The following PRDM2 variants were observed in gnomAD, a reference collection of about 807,000 sequenced individuals.
PRDM2 encodes PR domain zinc finger protein 2.
In PRDM2, 30 loss-of-function variants were observed where a neutral mutation model predicts 130.0. That is an observed-to-expected ratio of 0.23 (90% CI 0.17 to 0.31). The LOEUF is 0.31. Among genes scored for constraint, PRDM2 ranks in the 10% least tolerant of loss-of-function variants. PRDM2 has a pLI of 1.00. For missense variants in PRDM2, 2,011 were observed against 2,108.4 expected, an observed-to-expected ratio of 0.95 and a Z score of 0.90; for synonymous variants, 871 against 782.4, an observed-to-expected ratio of 1.11 and a Z score of -1.89.
chr1:13,704,261 TG>T (rs1162180853), intron 1 of PRDM2, among the ~76,000 whole-genome samples: 4 of 152,310 alleles, frequency 2.6e-5, no homozygotes, highest in African/African-American at 9.6e-5. Context: ...TTAAAGAGAA[TG>T]CCTTTCATTC....
intron 2 of PRDM2, among the ~76,000 whole-genome samples, chr1:13,718,819 C>T (rs1642631973): frequency 6.6e-6 from 1 of 152,146 alleles, no homozygotes; most frequent in African/African-American, 2.4e-5. Flanking sequence ...ACGTTCCACA[C>T]CCATCCTGAT....
intron 4 of PRDM2, among the ~76,000 whole-genome samples, chr1:13,736,613 C>A (rs1205189118): frequency 6.6e-6 from 1 of 151,876 alleles, no homozygotes; most frequent in East Asian, 1.9e-4. Context: ...AGATGAATTT[C>A]TAGAAGTATA....
intron 6 of PRDM2, among the ~76,000 whole-genome samples, chr1:13,752,845 T>C (rs908786585): frequency 1.3e-5 from 2 of 152,202 alleles, no homozygotes; most frequent in East Asian, 3.8e-4. Context: ...TTCCCTAGCC[T>C]TAAAAATGAA....
chr1:13,775,024 A>T (rs150769351), intron 7 of PRDM2, among the ~76,000 whole-genome samples: 1 of 152,114 alleles, frequency 6.6e-6, no homozygotes, highest in East Asian at 1.9e-4. Context: ...TATTTGGCAC[A>T]GCTGGTCAAA....
intron 6 of PRDM2, among the ~76,000 whole-genome samples, chr1:13,760,572 A>C (rs915100134): frequency 6.6e-6 from 1 of 152,174 alleles, no homozygotes; most frequent in African/African-American, 2.4e-5. Flanking sequence ...GATACACCAG[A>C]ACATAGCTTT....
chr1:13,723,200 G>A (rs1642790984), intron 2 of PRDM2, among the ~76,000 whole-genome samples: 1 of 152,182 alleles, frequency 6.6e-6, no homozygotes, highest in South Asian at 2.1e-4. Flanking sequence ...GTCCCTGTGT[G>A]ACATCTTCTC....
intron 8 of PRDM2, among the ~76,000 whole-genome samples, chr1:13,795,716 C>T (rs577420483): frequency 2.0e-5 from 3 of 152,292 alleles, no homozygotes; most frequent in East Asian, 3.9e-4. Flanking sequence ...TTCGGCCAGG[C>T]CTCGTTTTTA....
At chr1:13,725,932 T>C (rs1642900377) in intron 2 of PRDM2, among the ~76,000 whole-genome samples, 1 of 152,206 alleles carries the variant, frequency 6.6e-6, no homozygotes. Flanking sequence ...ACTATGTAGC[T>C]TGGGAAAGTT....
At chr1:13,735,631 G>A (rs890524859) in intron 4 of PRDM2, among the ~76,000 whole-genome samples, 4 of 151,826 alleles carry the variant, frequency 2.6e-5, no homozygotes, top group Non-Finnish European at 4.4e-5. Context: ...CCAAATACTC[G>A]CTGTCCCCAC....
rs536556155 is a variant in PRDM2 at position 13,782,419 on chromosome 1, A to G, written c.4624A>G (p.Thr1542Ala). ...GKTRARSSGP[T>A]QVPLPSSSFR... ...GACCAGAGCCCGCAGCTCAGGCCCC[A>G]CCCAAGTCCCACTTCCCTCCTCATC... is the stretch of plus-strand genomic sequence containing the variant. The change falls in exon 8 of 10, where the codon ACC becomes GCC. Residue 1542 changes from threonine to alanine, a missense_variant. This residue lies in a region of PRDM2 where 410 missense variants were observed against 395.9 expected (regional missense o/e 1.04). Coordinates refer to ENST00000311066, the MANE Select transcript of PRDM2 (RefSeq NM_001393986.1). 30 of 1,613,988 alleles carry G rather than the reference A, an allele frequency of 1.9e-5. No homozygotes were observed. In the South Asian group the frequency reaches 3.3e-4, roughly 18 times the overall value.
In PRDM2 at chr1:13,749,937, A is replaced by ACGCGGGCCGCGTCGGT. The variant is rs1222030124; in HGVS notation, c.511+456_511+471dup. ...CGCAGACTCGGGCCCGCCGCGCAGG[A>ACGCGGGCCGCGTCGGT]CGCGGGCCGCGTCGGTCGCGGAGTC... On this transcript the variant is annotated intron_variant, in intron 6 of 9. Transcript: ENST00000311066. Among the ~76,000 whole-genome samples, 8 of 152,204 alleles carry ACGCGGGCCGCGTCGGT rather than the reference A, an allele frequency of 5.3e-5. No individual in the cohort carries two copies. The East Asian group carries it at 5.8e-4, about 11-fold the overall frequency.
At chr1:13,747,769 CAAAA>C (rs78988090) in intron 5 of PRDM2, among the ~76,000 whole-genome samples, 1 of 48,398 alleles carries the variant, frequency 2.1e-5, no homozygotes, top group East Asian at 6.1e-4. Flanking sequence ...TCCCTCCCCG[CAAAA>C]AAAAAAAAAA....
At chr1:13,715,467 G>T in intron 1 of PRDM2, 74 bp from the exon 2 acceptor site, 1 of 633,292 alleles carries the variant, frequency 1.6e-6, no homozygotes, top group Non-Finnish European at 2.5e-6. Context: ...AAACTCTACA[G>T]TTCTGTATGT....
chr1:13,811,174 ACT>A (rs992221594), intron 8 of PRDM2, among the ~76,000 whole-genome samples: 3 of 151,548 alleles, frequency 2.0e-5, no homozygotes, highest in African/African-American at 7.3e-5. Flanking sequence ...ACAGAGTGAG[ACT>A]CTGTCTCAAA....
At chr1:13,814,769 C>T (rs528213137) in intron 8 of PRDM2, among the ~76,000 whole-genome samples, 29 of 152,328 alleles carry the variant, frequency 1.9e-4, no homozygotes, top group Admixed American at 1.7e-3. Flanking sequence ...CTCCTGTTCC[C>T]GCAGGCAGAG....
chr1:13,819,953 A>G (rs925365918), intron 9 of PRDM2, among the ~76,000 whole-genome samples: 10 of 152,216 alleles, frequency 6.6e-5, no homozygotes, highest in African/African-American at 2.4e-4. Flanking sequence ...TTAGGGAGAC[A>G]CAGTTCAGTC....
chr1:13,809,788 G>C (rs946610972), intron 8 of PRDM2, among the ~76,000 whole-genome samples: 1 of 152,192 alleles, frequency 6.6e-6, no homozygotes, highest in Admixed American at 6.5e-5. Context: ...CTCTGGGCAA[G>C]TTGTCTTAAC....
chr1:13,776,798 A>G (rs934842761), intron 7 of PRDM2, among the ~76,000 whole-genome samples: 2 of 151,976 alleles, frequency 1.3e-5, no homozygotes, highest in African/African-American at 4.8e-5. Flanking sequence ...TGGATACCTC[A>G]CTGGCCTTTC....
At chr1:13,716,360 T>C (rs1642536732) in intron 2 of PRDM2, among the ~76,000 whole-genome samples, 2 of 149,740 alleles carry the variant, frequency 1.3e-5, no homozygotes, top group African/African-American at 4.9e-5. Flanking sequence ...AGATGACGAG[T>C]TAGTGGGTGC....
Sources: allele counts gnomAD v4.1 joint callset (sites outside exome capture counted in the v4.1 genomes callset), GRCh38; gene constraint gnomAD v4.1.1; regional missense constraint gnomAD v4.1.1; transcripts MANE v1.5; gene names NCBI Gene and HGNC (gene_info 2026-07-23, HGNC 2026-07-21).